KCND2: variants seen among roughly 807,000 people sequenced by gnomAD.
KCND2 encodes potassium voltage-gated channel subfamily D member 2.
A neutral mutation model predicts 54.4 loss-of-function variants in KCND2; 16 were observed. That is an observed-to-expected ratio of 0.29 (90% CI 0.20 to 0.45). The LOEUF (loss-of-function observed/expected upper bound fraction) is 0.45, where lower values mean the gene tolerates loss of function less well. KCND2 is among the 20% of genes least tolerant of loss of function. The pLI is 1.00. For synonymous variants in KCND2, 317 were observed against 310.7 expected (o/e 1.02, Z -0.21); for missense variants, 486 against 824.2 (o/e 0.59, Z 5.02).
intron 1 of KCND2, among the ~76,000 whole-genome samples, chr7:120,526,587 T>C (rs1030878571): frequency 6.6e-6 from 1 of 152,130 alleles, no homozygotes; most frequent in African/African-American, 2.4e-5. Context: ...GAACCTGATA[T>C]TCTGTTGATT....
intron 1 of KCND2, among the ~76,000 whole-genome samples, chr7:120,340,451 G>T (rs924901091): frequency 6.6e-6 from 1 of 152,208 alleles, no homozygotes; most frequent in African/African-American, 2.4e-5. Flanking sequence ...GAGTAAGTTT[G>T]TAGGGGGCAA....
At chr7:120,289,006 A>G (rs1329891873) in intron 1 of KCND2, among the ~76,000 whole-genome samples, 2 of 151,572 alleles carry the variant, frequency 1.3e-5, no homozygotes, top group African/African-American at 4.9e-5. Flanking sequence ...GGGGGGAGAG[A>G]GGAAGGCAGA....
rs143971907 is a variant in KCND2, at chr7:120,595,015, C to T, written c.1116-137888C>T. ...AGCCTTGGCAACAAGATTGAGACTC[C>T]GTCTCAAAAGAAAAAAAAAAAAAAG... On this transcript the variant is annotated intron_variant, in intron 1 of 5. Transcript: ENST00000331113. Among the ~76,000 whole-genome samples the T allele has an allele frequency of 5.3e-3, 771 of 146,328 alleles. 4 individuals carry two copies. Among genetic ancestry groups the T allele is most frequent in the African/African-American group, 0.014 (541 of 39,532 alleles).
At chr7:120,465,918 A>T (rs1802361563) in intron 1 of KCND2, among the ~76,000 whole-genome samples, 1 of 152,164 alleles carries the variant, frequency 6.6e-6, no homozygotes, top group East Asian at 1.9e-4. Flanking sequence ...CTTAAGCTTG[A>T]CCTGGAGGGA....
intron 1 of KCND2, among the ~76,000 whole-genome samples, chr7:120,453,936 T>C (rs1033034861): frequency 1.3e-5 from 2 of 151,924 alleles, no homozygotes; most frequent in African/African-American, 2.4e-5. Flanking sequence ...ATATAAAAAT[T>C]AGCCAGGCAT....
At chr7:120,391,232 G>C (rs970458636) in intron 1 of KCND2, among the ~76,000 whole-genome samples, 16 of 152,008 alleles carry the variant, frequency 1.1e-4, no homozygotes, top group African/African-American at 3.4e-4. Context: ...CCATGTCCGT[G>C]CAAAGGACAC....
At chr7:120,378,456 T>C (rs1428291821) in intron 1 of KCND2, among the ~76,000 whole-genome samples, 1 of 151,968 alleles carries the variant, frequency 6.6e-6, no homozygotes, top group Non-Finnish European at 1.5e-5. Flanking sequence ...AAATATTTGG[T>C]GGGAGTTAGG....
chr7:120,583,257 C>T (rs1004186631), intron 1 of KCND2, among the ~76,000 whole-genome samples: 15 of 152,106 alleles, frequency 9.9e-5, no homozygotes, highest in Admixed American at 1.3e-4. Context: ...ACACATTCAT[C>T]GCCAGTTTTG....
At chr7:120,310,200 A>G (rs1233189292) in intron 1 of KCND2, among the ~76,000 whole-genome samples, 1 of 152,202 alleles carries the variant, frequency 6.6e-6, no homozygotes, top group Non-Finnish European at 1.5e-5. Context: ...TTATAATGAA[A>G]TGCTTTAAAA....
At chr7:120,518,605 A>G (rs1318420853) in intron 1 of KCND2, among the ~76,000 whole-genome samples, 1 of 152,184 alleles carries the variant, frequency 6.6e-6, no homozygotes, top group Non-Finnish European at 1.5e-5. Flanking sequence ...CGTTGATATG[A>G]AGTTAAAAAG....
chr7:120,344,230 C>G (rs1800280339), intron 1 of KCND2, among the ~76,000 whole-genome samples: 1 of 152,044 alleles, frequency 6.6e-6, no homozygotes, highest in Non-Finnish European at 1.5e-5. Flanking sequence ...ATATGACACA[C>G]AAGTGGATAT....
chr7:120,342,753 A>T (rs1233956142), intron 1 of KCND2, among the ~76,000 whole-genome samples: 1 of 152,180 alleles, frequency 6.6e-6, no homozygotes, highest in Non-Finnish European at 1.5e-5. Flanking sequence ...AATAGAATGC[A>T]TATAATATAA....
In KCND2 at chr7:120,514,926, T is replaced by A. The variant is rs1382392902; in HGVS notation, c.1116-217977T>A. Among the ~76,000 whole-genome samples, 4 of 152,144 alleles carry A rather than the reference T, an allele frequency of 2.6e-5. No individual in the cohort carries two copies. In the East Asian group the frequency reaches 7.8e-4, roughly 30 times the overall value. Reference sequence around the variant, plus strand: ...GGGACCCCTGTTTTATAGCAACAAATTAGATAGTGATTGTGTAGTACCGTA... The same window carrying A: ...GGGACCCCTGTTTTATAGCAACAAAATAGATAGTGATTGTGTAGTACCGTA... On this transcript the variant is annotated intron_variant, in intron 1 of 5. Transcript: ENST00000331113.
chr7:120,484,829 CTTGT>C (rs1802670449), intron 1 of KCND2, among the ~76,000 whole-genome samples: 1 of 151,782 alleles, frequency 6.6e-6, no homozygotes, highest in African/African-American at 2.4e-5. Context: ...ACACTAAAAA[CTTGT>C]TTGTTAATAT....
At chr7:120,626,311 A>G (rs1584859467) in intron 1 of KCND2, among the ~76,000 whole-genome samples, 1 of 152,222 alleles carries the variant, frequency 6.6e-6, no homozygotes, top group Non-Finnish European at 1.5e-5. Flanking sequence ...GAAGACATAC[A>G]AGAGTAGCAT....
Position 120,640,987 on chromosome 7 carries a change from T to C in KCND2, c.1116-91916T>C, listed in dbSNP as rs150064148. On this transcript the variant is annotated intron_variant, in intron 1 of 5. Transcript: ENST00000331113. ...CTGTCCAGCCATTGGAGAGATTTCATTGAAGACTGTGTTGATGATATAATT... is the reference window on the plus strand; with the variant it reads ...CTGTCCAGCCATTGGAGAGATTTCACTGAAGACTGTGTTGATGATATAATT... Among the ~76,000 whole-genome samples the C allele has an allele frequency of 1.2e-3, 179 of 152,334 alleles. 1 individual carries two copies. Among genetic ancestry groups the C allele is most frequent in the Middle Eastern group, 6.8e-3 (2 of 294 alleles).
chr7:120,716,196 A>G (rs1470917515), intron 1 of KCND2, among the ~76,000 whole-genome samples: 1 of 152,102 alleles, frequency 6.6e-6, no homozygotes, highest in Non-Finnish European at 1.5e-5. Context: ...TCCACATTTT[A>G]TTCCTTCTAA....
intron 1 of KCND2, among the ~76,000 whole-genome samples, chr7:120,705,064 G>T (rs1402816848): frequency 2.6e-5 from 4 of 152,112 alleles, no homozygotes; most frequent in Non-Finnish European, 5.9e-5. Context: ...TATTAGATGT[G>T]AGTTTACCAG....
chr7:120,483,404 A>G (rs1382180898), intron 1 of KCND2, among the ~76,000 whole-genome samples: 1 of 152,184 alleles, frequency 6.6e-6, no homozygotes, highest in African/African-American at 2.4e-5. Flanking sequence ...CATCAATTTA[A>G]AAGGTCAGAG....
Sources: gnomAD v4.1 joint callset for allele counts (sites outside exome capture counted in the v4.1 genomes callset) on GRCh38, gnomAD v4.1.1 for gene constraint, MANE v1.5 for transcripts, NCBI Gene and HGNC (gene_info 2026-07-23, HGNC 2026-07-21) for gene names.